GYPE: variants seen among roughly 807,000 people sequenced by gnomAD.
GYPE encodes the protein glycophorin E (MNS blood group), also known as glycophorin-E.
In GYPE, 8 loss-of-function variants were observed where a neutral mutation model predicts 11.6. The observed-to-expected ratio is 0.69, with a 90% CI of 0.41 to 1.25. The LOEUF (loss-of-function observed/expected upper bound fraction) is 1.25. GYPE is among the 50% of genes most tolerant of loss of function. The pLI, the probability that GYPE is intolerant of heterozygous loss-of-function variation, is 0.01. For missense variants in GYPE, 90 were observed against 92.8 expected, an observed-to-expected ratio of 0.97 and a Z score of 0.12; for synonymous variants, 28 against 29.6, an observed-to-expected ratio of 0.94 and a Z score of 0.18.
rs774313043 is a variant in GYPE at position 143,876,872 on chromosome 4, G to A, written c.137-17C>T. On this transcript the variant is annotated splice_polypyrimidine_tract_variant and intron_variant, in intron 2 of 3. Coordinates refer to ENST00000358615, the MANE Select transcript of GYPE (RefSeq NM_198682.3). ...GTGTTATCCCTACAGGAGATAAAGAGAGCGGCAAAATTATGAAAGTCTGAA... is the reference window on the plus strand; with the variant it reads ...GTGTTATCCCTACAGGAGATAAAGAAAGCGGCAAAATTATGAAAGTCTGAA... The A allele has an allele frequency of 6.9e-6, 10 of 1,458,612 alleles. No homozygotes were observed. The Admixed American group carries it at 1.5e-4, about 22-fold the overall frequency. The allele number at this position is 1,458,612 out of a possible 1,614,324, so 90.4% of individuals were successfully genotyped here.
intron 3 of GYPE, among the ~76,000 whole-genome samples, chr4:143,873,196 G>T (rs966276484): frequency 3.3e-5 from 5 of 152,070 alleles, no homozygotes; most frequent in African/African-American, 1.2e-4. Context: ...AAAATATTCA[G>T]AGATGGGGAT....
intron 1 of GYPE, among the ~76,000 whole-genome samples, chr4:143,897,366 G>A (rs553165196): frequency 6.6e-6 from 1 of 151,960 alleles, no homozygotes; most frequent in East Asian, 1.9e-4. Flanking sequence ...CTACTTGAGA[G>A]GCAGAAGCTG....
At chr4:143,880,381 C>A (rs761417897) in intron 2 of GYPE, 30 bp downstream of exon 2, 2 of 1,613,616 alleles carry the variant, frequency 1.2e-6, no homozygotes, top group Non-Finnish European at 1.7e-6. Context: ...ATTTCGGAGC[C>A]ACAATTTAAA....
In GYPE at chr4:143,876,636, A is replaced by G. The variant is rs1743821451; in HGVS notation, c.*9+110T>C. On this transcript the variant is annotated intron_variant, in intron 3 of 3. Coordinates refer to ENST00000358615, the MANE Select transcript of GYPE (RefSeq NM_198682.3). ...TATGTGTCCAGTTGAAAAAGATGGA[A>G]TTTTATGCAGTTCTGTTTCTCTTTT... is the stretch of plus-strand genomic sequence containing the variant. 6.1e-6 allele frequency: 4 copies of G among 658,312 alleles called. No individual in the cohort carries two copies. The East Asian group carries it at 1.1e-4, about 18-fold the overall frequency. The allele number at this position is 658,312 out of a possible 1,614,324, so 40.8% of individuals were successfully genotyped here.
chr4:143,897,113 T>A (rs772058060), intron 1 of GYPE, among the ~76,000 whole-genome samples: 1 of 152,014 alleles, frequency 6.6e-6, no homozygotes, highest in African/African-American at 2.4e-5. Flanking sequence ...CATATGTAAC[T>A]AACCGGCACA....
chr4:143,879,709 A>G lies in GYPE; in HGVS notation c.136+702T>C, dbSNP rs542989696. On this transcript the variant is annotated intron_variant, in intron 2 of 3. Coordinates refer to ENST00000358615, the MANE Select transcript of GYPE (RefSeq NM_198682.3). Reference sequence around the variant, plus strand: ...GTGTCCCGTTTGTGCTTATCTGCATATAAGAGAAGTTGAGAAAGGGAACAA... The same window carrying G: ...GTGTCCCGTTTGTGCTTATCTGCATGTAAGAGAAGTTGAGAAAGGGAACAA... Among the ~76,000 whole-genome samples, 14 of 152,290 alleles carry G rather than the reference A, an allele frequency of 9.2e-5. No homozygotes were observed. In the East Asian group the frequency reaches 1.7e-3, roughly 19 times the overall value.
chr4:143,878,792 G>T (rs1195825409), intron 2 of GYPE: 1 of 389,010 alleles, frequency 2.6e-6, no homozygotes, highest in African/African-American at 2.2e-5. Context: ...TTTGAGAGTT[G>T]TTGGTCAACT....
chr4:143,890,230 A>G (rs1744350250), intron 1 of GYPE, among the ~76,000 whole-genome samples: 1 of 152,210 alleles, frequency 6.6e-6, no homozygotes, highest in Admixed American at 6.5e-5. Context: ...GGTTATTAAC[A>G]GTTTGTTAAC....
At chr4:143,905,420 T>G (rs1186989663) in intron 1 of GYPE, 51 bp downstream of exon 1, 2 of 1,611,320 alleles carry the variant, frequency 1.2e-6, no homozygotes, top group Non-Finnish European at 1.7e-6. Context: ...CATTTTATTC[T>G]ATGATCTCAT....
At chr4:143,873,503 G>T (rs1416056207) in intron 3 of GYPE, 1 of 454,862 alleles carries the variant, frequency 2.2e-6, no homozygotes, top group Non-Finnish European at 4.4e-6. Context: ...CATGAGAAGG[G>T]TCAAGAACAA....
At chr4:143,904,430 A>T (rs1291763235) in intron 1 of GYPE, among the ~76,000 whole-genome samples, 1 of 152,268 alleles carries the variant, frequency 6.6e-6, no homozygotes, top group Non-Finnish European at 1.5e-5. Flanking sequence ...ATGTGGGCAC[A>T]TAATTTGCCT....
chr4:143,880,168 C>T (rs2590017), intron 2 of GYPE, among the ~76,000 whole-genome samples: 4 of 151,922 alleles, frequency 2.6e-5, no homozygotes, highest in African/African-American at 4.9e-5. Flanking sequence ...TGGTCACGTG[C>T]ATCATTTCTG....
At chr4:143,879,808 C>T (rs973471798) in intron 2 of GYPE, among the ~76,000 whole-genome samples, 4 of 152,148 alleles carry the variant, frequency 2.6e-5, no homozygotes, top group African/African-American at 9.7e-5. Flanking sequence ...GCAGCAGCTC[C>T]AGAATTTCTT....
intron 1 of GYPE, among the ~76,000 whole-genome samples, chr4:143,881,868 C>T (rs907372029): frequency 1.9e-4 from 29 of 152,166 alleles, no homozygotes; most frequent in African/African-American, 5.6e-4. Context: ...AAGGGCTTCT[C>T]CTCAGAGGCA....
intron 1 of GYPE, among the ~76,000 whole-genome samples, chr4:143,900,011 C>A (rs1744800684): frequency 8.0e-6 from 1 of 125,758 alleles, no homozygotes; most frequent in Non-Finnish European, 1.7e-5. Context: ...AAACAAAAAT[C>A]TACAGAATGA....
chr4:143,879,142 T>C (rs1743925130), intron 2 of GYPE, among the ~76,000 whole-genome samples: 1 of 152,148 alleles, frequency 6.6e-6, no homozygotes, highest in African/African-American at 2.4e-5. Context: ...TGTTACTGTG[T>C]CTCATTTGAG....
At chr4:143,894,073 C>T (rs1211250450) in intron 1 of GYPE, among the ~76,000 whole-genome samples, 2 of 152,180 alleles carry the variant, frequency 1.3e-5, no homozygotes, top group Non-Finnish European at 2.9e-5. Context: ...TCTTCCATCA[C>T]TGATACCCTT....
intron 1 of GYPE, among the ~76,000 whole-genome samples, chr4:143,901,068 G>T (rs1488358970): frequency 6.6e-6 from 1 of 152,160 alleles, no homozygotes; most frequent in East Asian, 1.9e-4. Flanking sequence ...ATCACTGTTG[G>T]TTTTTATTAT....
chr4:143,875,058 C>T (rs1743743138), intron 3 of GYPE, among the ~76,000 whole-genome samples: 2 of 152,120 alleles, frequency 1.3e-5, no homozygotes, highest in African/African-American at 4.8e-5. Context: ...TTTTAAATTA[C>T]AGTGCCATTT....
Sources: gnomAD v4.1 joint callset for allele counts (sites outside exome capture counted in the v4.1 genomes callset) on GRCh38, gnomAD v4.1.1 for gene constraint, MANE v1.5 for transcripts, NCBI Gene and HGNC (gene_info 2026-07-23, HGNC 2026-07-21) for gene names.